SUN2: variants seen among roughly 807,000 people sequenced by gnomAD.
The protein encoded by SUN2 is Sad1 and UNC84 domain containing 2.
SUN2 carries 60 observed loss-of-function variants against 100.0 expected under a neutral mutation model. That is an observed-to-expected ratio of 0.60 (90% CI 0.49 to 0.74). The LOEUF (loss-of-function observed/expected upper bound fraction) is 0.74. Among genes scored for constraint, SUN2 ranks in the 30% least tolerant of loss-of-function variants. The pLI is 0.00. For missense variants in SUN2, 834 were observed against 954.6 expected, an observed-to-expected ratio of 0.87 and a Z score of 1.66; for synonymous variants, 367 against 403.3, an observed-to-expected ratio of 0.91 and a Z score of 1.08.
At chr22:38,753,518 A>C (rs1271584273) in intron 1 of SUN2, among the ~76,000 whole-genome samples, 1 of 152,030 alleles carries the variant, frequency 6.6e-6, no homozygotes, top group East Asian at 1.9e-4. Context: ...GCTCAGCCAA[A>C]AGGATTTTTC....
At chr22:38,752,436 A>G in intron 2 of SUN2, 71 bp downstream of exon 2, 4 of 1,535,502 alleles carry the variant, frequency 2.6e-6, no homozygotes, top group Non-Finnish European at 3.5e-6. Context: ...TGGCTGGACC[A>G]CAGGGCGTGC....
intron 6 of SUN2, 22 bp from the exon 7 acceptor site, chr22:38,748,805 G>A (rs753633471): frequency 6.2e-7 from 1 of 1,614,002 alleles, no homozygotes; most frequent in Non-Finnish European, 8.5e-7. Context: ...GGGAGGGCAG[G>A]ACGGGGGAGG....
At chr22:38,748,150 A>G (rs2092918418) in intron 7 of SUN2, among the ~76,000 whole-genome samples, 1 of 151,934 alleles carries the variant, frequency 6.6e-6, no homozygotes, top group African/African-American at 2.4e-5. Flanking sequence ...CCCCATCTCT[A>G]GTAAAAATAC....
intron 2 of SUN2, 127 bp from the exon 3 acceptor site, chr22:38,751,500 C>T (rs774424910): frequency 2.2e-5 from 21 of 936,730 alleles, no homozygotes; most frequent in African/African-American, 1.5e-4. Flanking sequence ...CTAGGCAACT[C>T]GCAGCTGCCA....
rs747765292 is a variant in SUN2, at chr22:38,752,574, T to C, written c.55A>G (p.Ser19Gly). 8.7e-6 allele frequency: 14 copies of C among 1,614,014 alleles called. No individual in the cohort carries two copies. Among genetic ancestry groups the C allele is most frequent in the Middle Eastern group, 1.6e-4 (1 of 6,062 alleles). Residue 19 changes from serine to glycine, a missense_variant, in exon 2 of 18, where the codon AGC becomes GGC. Ser to Gly is a moderately conservative substitution (Grantham distance 56). Transcript: ENST00000689035. ...TRYSQGDDDG[S>G]SSSGGSSVAG... is the part of the protein sequence containing the mutation. ...ACCGAGCTCCCTCCGCTGCTGCTGC[T>C]GCCGTCATCGTCACCCTGGGAGTAG... is the stretch of plus-strand genomic sequence containing the variant.
At chr22:38,751,964 T>C (rs2092948751) in intron 2 of SUN2, among the ~76,000 whole-genome samples, 1 of 152,206 alleles carries the variant, frequency 6.6e-6, no homozygotes, top group African/African-American at 2.4e-5. Context: ...TCCTGTTTTC[T>C]TTCTTTCCTT....
intron 9 of SUN2, 112 bp from the exon 10 acceptor site, chr22:38,741,683 C>G (rs1180136280): frequency 9.0e-6 from 9 of 1,000,638 alleles, no homozygotes; most frequent in African/African-American, 4.8e-5. Flanking sequence ...CTTCCAGAGC[C>G]CTGGCTCTCA....
intron 8 of SUN2, 51 bp from the exon 9 acceptor site, chr22:38,742,606 G>A (rs765412512): frequency 5.8e-6 from 9 of 1,561,510 alleles, no homozygotes; most frequent in Non-Finnish European, 2.6e-6. Flanking sequence ...GGATGATAGT[G>A]CTTCCCAAAG....
At position 38,738,146 on chromosome 22, in the gene SUN2, T is replaced by G. The variant is rs2092823070; in HGVS notation, c.2040+27A>C. On this transcript the variant is annotated intron_variant, in intron 17 of 17. Transcript: ENST00000689035. The surrounding 1 kb of genome is among the most constrained non-coding windows in gnomAD (Gnocchi z 6.6). ...TGCCTGGATGGGGAGTCTGCGCCAC[T>G]TCTGCTAGCACAGCAGCATCCCGTA... The G allele has an allele frequency of 6.2e-7, 1 of 1,609,576 alleles. No homozygotes were observed. Among genetic ancestry groups the G allele is most frequent in the Non-Finnish European group, 8.5e-7 (1 of 1,176,078 alleles).
At chr22:38,746,275 G>A (rs906970216) in intron 7 of SUN2, among the ~76,000 whole-genome samples, 7 of 152,174 alleles carry the variant, frequency 4.6e-5, no homozygotes, top group East Asian at 1.9e-4. Flanking sequence ...GTCATGGGCC[G>A]CCATGGCTGA....
intron 1 of SUN2, among the ~76,000 whole-genome samples, chr22:38,753,774 A>G (rs1331615113): frequency 1.3e-5 from 2 of 152,158 alleles, no homozygotes; most frequent in African/African-American, 4.8e-5. Context: ...CACTGAGGCA[A>G]TGGGTAACTT....
At position 38,735,282 on chromosome 22, in the gene SUN2, T is replaced by C; in HGVS notation, c.*985A>G. ...GCTGCAAGAGCCCAAGGGGGCAGCC[T>C]GAGCGGACGACCCCTACATCAGGGC... On this transcript the variant is annotated 3_prime_UTR_variant, in exon 18 of 18. Coordinates refer to ENST00000689035, the MANE Select transcript of SUN2 (RefSeq NM_015374.3). 1 of 454,456 alleles carries C rather than the reference T, an allele frequency of 2.2e-6. No homozygotes were observed. The highest frequency in any genetic ancestry group is 4.4e-6 in the Non-Finnish European group (1 of 226,288). 28.2% of individuals were successfully genotyped at this position (454,456 alleles called of 1,614,324 possible).
chr22:38,752,446 C>A (rs573566862), intron 2 of SUN2, 61 bp downstream of exon 2: 92 of 1,546,654 alleles, frequency 5.9e-5, no homozygotes, highest in Non-Finnish European at 7.9e-5. Context: ...ACAGGGCGTG[C>A]GGGCAGTGAC....
At chr22:38,754,525 A>G (rs1413094827) in intron 1 of SUN2, 1 of 918,086 alleles carries the variant, frequency 1.1e-6, no homozygotes, top group Admixed American at 2.5e-5. Flanking sequence ...TGGTGTTGGA[A>G]AAGGGACCGA....
Position 38,755,953 on chromosome 22 carries a change from C to T in SUN2, c.-228G>A. 5 of 983,538 alleles carry T rather than the reference C, an allele frequency of 5.1e-6. No homozygotes were observed. Among genetic ancestry groups the T allele is most frequent in the Non-Finnish European group, 4.8e-6 (4 of 829,180 alleles). The allele number at this position is 983,538 out of a possible 1,614,324, so 60.9% of individuals were successfully genotyped here. On this transcript the variant is annotated 5_prime_UTR_variant, in exon 1 of 18. Coordinates refer to ENST00000689035, the MANE Select transcript of SUN2 (RefSeq NM_015374.3). The surrounding 1 kb of genome is among the most constrained non-coding windows in gnomAD (Gnocchi z 5.7). Reference sequence around the variant, plus strand: ...AAGGCGGGCGGGCGGACAATGCGGCCGGCGGAGGCCCGCGCTGCGCGAGTG... The same window carrying T: ...AAGGCGGGCGGGCGGACAATGCGGCTGGCGGAGGCCCGCGCTGCGCGAGTG...
chr22:38,754,631 A>T lies in SUN2; in HGVS notation c.-38+1132T>A, dbSNP rs146969693. 5.7e-6 allele frequency: 3 copies of T among 528,264 alleles called. No homozygotes were observed. In the East Asian group the frequency reaches 2.6e-4, roughly 45 times the overall value. 32.7% of individuals were successfully genotyped at this position (528,264 alleles called of 1,614,324 possible). Reference sequence around the variant, plus strand: ...CCTCCCCCCTCCCTGCCCCGCCCGTACGGTCCCTACCTGAAGGCTCCAGCT... The same window carrying T: ...CCTCCCCCCTCCCTGCCCCGCCCGTTCGGTCCCTACCTGAAGGCTCCAGCT... On this transcript the variant is annotated intron_variant, in intron 1 of 17. Transcript: ENST00000689035.
At chr22:38,745,541 T>G in intron 8 of SUN2, 143 bp downstream of exon 8, 1 of 1,120,584 alleles carries the variant, frequency 8.9e-7, no homozygotes, top group Non-Finnish European at 1.3e-6. Flanking sequence ...TTCTTTCTGT[T>G]TTCTGTGCCT....
At chr22:38,751,425 C>A (rs746446074) in intron 2 of SUN2, 52 bp from the exon 3 acceptor site, 2 of 1,599,150 alleles carry the variant, frequency 1.3e-6, no homozygotes, top group South Asian at 2.2e-5. Context: ...TGAGCCCAGC[C>A]AGGAGCATGA....
intron 1 of SUN2, chr22:38,754,938 C>G (rs1396630706): frequency 7.8e-7 from 1 of 1,289,308 alleles, no homozygotes; most frequent in Non-Finnish European, 1.0e-6. Flanking sequence ...GGTCGAGGCC[C>G]CATTCTCCAA....
Sources: allele counts gnomAD v4.1 joint callset (sites outside exome capture counted in the v4.1 genomes callset), GRCh38; gene constraint gnomAD v4.1.1; non-coding constraint Gnocchi (gnomAD v3.1); transcripts MANE v1.5; gene names NCBI Gene and HGNC (gene_info 2026-07-23, HGNC 2026-07-21).